DPYD: variants seen among roughly 807,000 people sequenced by gnomAD.
DPYD encodes dihydropyrimidine dehydrogenase [NADP(+)].
Under a neutral mutation model 116.2 loss-of-function variants are expected in DPYD, and 109 were observed. The ratio of observed to expected loss-of-function variants is 0.94; its 90% CI spans 0.80 to 1.10. The LOEUF (loss-of-function observed/expected upper bound fraction) is 1.10, where lower values mean the gene tolerates loss of function less well. Among genes scored for constraint, DPYD ranks in the 50% least tolerant of loss-of-function variants. The pLI is 0.00. For missense variants in DPYD, 1,302 were observed against 1,254.5 expected (o/e 1.04, Z -0.57); for synonymous variants, 440 against 432.0 (o/e 1.02, Z -0.23).
At chr1:97,088,081 A>G (rs946008553) in intron 21 of DPYD, among the ~76,000 whole-genome samples, 1 of 152,202 alleles carries the variant, frequency 6.6e-6, no homozygotes. Context: ...ATCTAAATGC[A>G]TAACCTTTTT....
chr1:97,719,959 T>C, intron 5 of DPYD: 1 of 984,978 alleles, frequency 1.0e-6, no homozygotes, highest in Non-Finnish European at 1.2e-6. Flanking sequence ...GTGACCACTC[T>C]CAAATTTTAG....
chr1:97,212,029 A>C (rs1235562101), intron 19 of DPYD, among the ~76,000 whole-genome samples: 1 of 152,160 alleles, frequency 6.6e-6, no homozygotes, highest in East Asian at 1.9e-4. Flanking sequence ...ATATTATTTA[A>C]GCTATCTTTA....
chr1:97,784,516 A>C (rs1666917899), intron 3 of DPYD, among the ~76,000 whole-genome samples: 1 of 152,226 alleles, frequency 6.6e-6, no homozygotes, highest in African/African-American at 2.4e-5. Context: ...TTTCTGAAGA[A>C]GTGTAGTACA....
chr1:97,755,807 T>TAGGG (rs1665195030), intron 3 of DPYD, among the ~76,000 whole-genome samples: 1 of 152,174 alleles, frequency 6.6e-6, no homozygotes, highest in African/African-American at 2.4e-5. Context: ...CATACCATTA[T>TAGGG]AGGGAGGATT....
At chr1:97,422,905 C>G (rs765800165) in intron 14 of DPYD, among the ~76,000 whole-genome samples, 1 of 152,080 alleles carries the variant, frequency 6.6e-6, no homozygotes, top group South Asian at 2.1e-4. Flanking sequence ...CCCTTTCAGG[C>G]AATGTCTCCA....
intron 20 of DPYD, among the ~76,000 whole-genome samples, chr1:97,129,968 T>G (rs1282593032): frequency 6.6e-6 from 1 of 152,222 alleles, no homozygotes; most frequent in African/African-American, 2.4e-5. Flanking sequence ...CTGACATTTC[T>G]AAATGTCCAG....
At chr1:97,159,639 A>G (rs1570574126) in intron 20 of DPYD, among the ~76,000 whole-genome samples, 1 of 152,204 alleles carries the variant, frequency 6.6e-6, no homozygotes, top group East Asian at 1.9e-4. Context: ...CATTTTAATA[A>G]TATGTAGGAA....
chr1:97,209,146 C>T (rs1333443547), intron 19 of DPYD, among the ~76,000 whole-genome samples: 1 of 152,008 alleles, frequency 6.6e-6, no homozygotes, highest in Non-Finnish European at 1.5e-5. Flanking sequence ...AGAGTATAAA[C>T]CAGAATCATA....
In DPYD at chr1:97,545,945, T is replaced by G. The variant is rs1328813454; in HGVS notation, c.1524+3615A>C. ...AGTTTAAAGAATCAGATTGTCATACTCTACTGCACTTCCTTGAAGATGAAA... is the reference window on the plus strand; with the variant it reads ...AGTTTAAAGAATCAGATTGTCATACGCTACTGCACTTCCTTGAAGATGAAA... On this transcript the variant is annotated intron_variant, in intron 12 of 22. Transcript: ENST00000370192. 2.3e-5 allele frequency: 26 copies of G among 1,137,782 alleles called. No homozygotes were observed. In the East Asian group the frequency reaches 5.8e-4, roughly 26 times the overall value. The allele number at this position is 1,137,782 out of a possible 1,614,324, so 70.5% of individuals were successfully genotyped here.
chr1:97,676,196 C>T (rs991802990), intron 8 of DPYD, among the ~76,000 whole-genome samples: 2 of 152,134 alleles, frequency 1.3e-5, no homozygotes, highest in Non-Finnish European at 2.9e-5. Flanking sequence ...TCATTTCTAT[C>T]CTCTCTCAAT....
intron 18 of DPYD, among the ~76,000 whole-genome samples, chr1:97,238,654 G>A (rs899010842): frequency 6.6e-6 from 1 of 152,066 alleles, no homozygotes; most frequent in African/African-American, 2.4e-5. Context: ...CGAGATAAAG[G>A]TCTTTTAAAA....
chr1:97,102,883 G>C (rs976047140), intron 20 of DPYD, among the ~76,000 whole-genome samples: 1 of 151,958 alleles, frequency 6.6e-6, no homozygotes, highest in Non-Finnish European at 1.5e-5. Flanking sequence ...TTGGAAAACT[G>C]TTTGAACTCA....
chr1:97,280,929 G>A (rs1421515354), intron 18 of DPYD, among the ~76,000 whole-genome samples: 2 of 152,052 alleles, frequency 1.3e-5, no homozygotes, highest in African/African-American at 4.8e-5. Context: ...TAGAGTGATG[G>A]ATATGGTAAT....
intron 8 of DPYD, among the ~76,000 whole-genome samples, chr1:97,637,091 G>C (rs1234194454): frequency 6.6e-6 from 1 of 152,156 alleles, no homozygotes; most frequent in African/African-American, 2.4e-5. Flanking sequence ...AAATGAGGCT[G>C]CCATAAATTC....
intron 18 of DPYD, among the ~76,000 whole-genome samples, chr1:97,249,553 T>C (rs1264562274): frequency 6.6e-6 from 1 of 151,734 alleles, no homozygotes; most frequent in Non-Finnish European, 1.5e-5. Flanking sequence ...AACCCTGAAT[T>C]AGGCAAAAAT....
chr1:97,081,041 T>C (rs929117950), intron 22 of DPYD, among the ~76,000 whole-genome samples: 1 of 152,122 alleles, frequency 6.6e-6, no homozygotes, highest in Non-Finnish European at 1.5e-5. Flanking sequence ...GCTAGCACTT[T>C]ATAAAAATAA....
In DPYD at chr1:97,720,051, A is replaced by C. The variant is rs1662830628; in HGVS notation, c.483+1459T>G. The stretch of plus-strand genomic sequence containing the variant: ...GCTCTGGGAATGAGTGGTAGAACCA[A>C]GTAAGAGTTCCCAGAGGGACAGTGT... On this transcript the variant is annotated intron_variant, in intron 5 of 22. Transcript: ENST00000370192. 3 of 984,958 alleles carry C rather than the reference A, an allele frequency of 3.0e-6. 1 individual carries two copies. In the South Asian group the frequency reaches 1.4e-4, roughly 46 times the overall value. 61.0% of individuals were successfully genotyped at this position (984,958 alleles called of 1,614,324 possible).
chr1:97,303,222 T>C (rs1666966487), intron 18 of DPYD, among the ~76,000 whole-genome samples: 1 of 152,030 alleles, frequency 6.6e-6, no homozygotes, highest in African/African-American at 2.4e-5. Flanking sequence ...ATGTATTGTG[T>C]TCAGGTGGCT....
intron 20 of DPYD, among the ~76,000 whole-genome samples, chr1:97,114,332 G>T (rs1297516730): frequency 2.0e-5 from 3 of 152,048 alleles, no homozygotes; most frequent in Non-Finnish European, 4.4e-5. Flanking sequence ...GAGGTATGTG[G>T]TGCTAAAGAA....
Sources: gnomAD v4.1 joint callset for allele counts (sites outside exome capture counted in the v4.1 genomes callset) on GRCh38, gnomAD v4.1.1 for gene constraint, MANE v1.5 for transcripts, NCBI Gene and HGNC (gene_info 2026-07-23, HGNC 2026-07-21) for gene names.